The following PDE8B variants were observed in gnomAD, a reference collection of about 807,000 sequenced individuals.
The protein encoded by PDE8B is high affinity cAMP-specific and IBMX-insensitive 3',5'-cyclic phosphodiesterase 8B.
Under a neutral mutation model 101.3 loss-of-function variants are expected in PDE8B, and 26 were observed. The ratio of observed to expected loss-of-function variants is 0.26; its 90% CI spans 0.19 to 0.36. The LOEUF (loss-of-function observed/expected upper bound fraction) is 0.36. Ranked by LOEUF, PDE8B falls within the 10% of genes least tolerant of loss-of-function variation. The probability of loss-of-function intolerance (pLI) is 1.00; values close to 1 mark genes in which losing one functional copy is unlikely to be tolerated. For missense variants in PDE8B, 810 were observed against 1,163.1 expected (o/e 0.70, Z 4.42); for synonymous variants, 424 against 429.3 (o/e 0.99, Z 0.15).
upstream of PDE8B, among the ~76,000 whole-genome samples, chr5:77,207,933 C>G (rs1328795495): frequency 6.6e-6 from 1 of 152,162 alleles, no homozygotes; most frequent in Non-Finnish European, 1.5e-5. Context: ...AACTGTATAC[C>G]TAGTGCATTT....
chr5:77,123,068 T>G, the PDE8B span, among the ~76,000 whole-genome samples: 1 of 152,136 alleles, frequency 6.6e-6, no homozygotes, highest in African/African-American at 2.4e-5. Flanking sequence ...TCTAAGTCCA[T>G]TTTCTGTTGT....
intron 1 of PDE8B, among the ~76,000 whole-genome samples, chr5:77,287,423 T>C (rs530855660): frequency 1.3e-5 from 2 of 152,218 alleles, no homozygotes; most frequent in African/African-American, 4.8e-5. Flanking sequence ...TTAATGCACT[T>C]AGGTATTTTT....
intron 2 of PDE8B, among the ~76,000 whole-genome samples, chr5:77,324,614 G>A (rs532352443): frequency 3.7e-4 from 56 of 152,206 alleles, no homozygotes; most frequent in African/African-American, 1.1e-3. Context: ...CTTTTCCCTC[G>A]ACTTAGCTCC....
intron 10 of PDE8B, among the ~76,000 whole-genome samples, chr5:77,356,420 T>G (rs1782119126): frequency 1.3e-5 from 2 of 152,158 alleles, no homozygotes; most frequent in Admixed American, 1.3e-4. Flanking sequence ...ATATCTGCTC[T>G]TGTGTCTTGT....
the PDE8B span, among the ~76,000 whole-genome samples, chr5:77,121,965 C>G: frequency 3.3e-5 from 5 of 152,172 alleles, no homozygotes; most frequent in Non-Finnish European, 7.3e-5. Context: ...GTGGCTAGCT[C>G]CAAATCCTAC....
intron 17 of PDE8B, among the ~76,000 whole-genome samples, chr5:77,417,213 CAGAT>C (rs1338440280): frequency 5.9e-5 from 9 of 152,304 alleles, no homozygotes; most frequent in Admixed American, 1.3e-4. Flanking sequence ...GTTACTTTAT[CAGAT>C]AGCACAAATA....
intron 1 of PDE8B, among the ~76,000 whole-genome samples, chr5:77,268,450 CATTTT>C (rs1762160694): frequency 6.6e-6 from 1 of 151,962 alleles, no homozygotes; most frequent in South Asian, 2.1e-4. Context: ...GGAGCTTATT[CATTTT>C]ATTTTACTAT....
the PDE8B span, among the ~76,000 whole-genome samples, chr5:77,178,105 C>T: frequency 1.2e-4 from 19 of 152,330 alleles, no homozygotes; most frequent in Non-Finnish European, 2.5e-4. Context: ...CCTCCTAGTA[C>T]TTCTTAACTG....
chr5:77,182,368 G>A, the PDE8B span, among the ~76,000 whole-genome samples: 1 of 152,022 alleles, frequency 6.6e-6, no homozygotes, highest in East Asian at 1.9e-4. Context: ...GTGGAAGTAA[G>A]CCTGACTGGT....
chr5:77,331,548 A>G, intron 5 of PDE8B, 89 bp downstream of exon 5: 1 of 1,024,244 alleles, frequency 9.8e-7, no homozygotes, highest in Non-Finnish European at 1.5e-6. Context: ...TGCCACGGAG[A>G]ACTGTTAAGG....
the PDE8B span, among the ~76,000 whole-genome samples, chr5:77,200,569 A>G: frequency 6.6e-6 from 1 of 151,950 alleles, no homozygotes; most frequent in Non-Finnish European, 1.5e-5. Flanking sequence ...TTTTTAAAAA[A>G]TTTTGTTTTG....
intron 6 of PDE8B, among the ~76,000 whole-genome samples, chr5:77,344,045 T>C (rs1312394602): frequency 6.6e-6 from 1 of 152,196 alleles, no homozygotes; most frequent in African/African-American, 2.4e-5. Context: ...TCACCTTCTA[T>C]GATAACAATG....
chr5:77,216,254 G>A (rs1364396752), intron 1 of PDE8B, among the ~76,000 whole-genome samples: 2 of 152,200 alleles, frequency 1.3e-5, no homozygotes, highest in Non-Finnish European at 2.9e-5. Flanking sequence ...CAAGGGGAGG[G>A]GATGTGTATT....
At chr5:77,278,066 C>T (rs1764193320) in intron 1 of PDE8B, among the ~76,000 whole-genome samples, 1 of 152,170 alleles carries the variant, frequency 6.6e-6, no homozygotes, top group Non-Finnish European at 1.5e-5. Context: ...CTCTGCCTAC[C>T]ACTCTCAGCT....
chr5:77,374,966 C>T (rs1561606146), intron 10 of PDE8B, among the ~76,000 whole-genome samples: 1 of 152,190 alleles, frequency 6.6e-6, no homozygotes, highest in African/African-American at 2.4e-5. Context: ...GATACACACA[C>T]ACACACACAC....
At chr5:77,387,442 T>C (rs1788951800) in intron 10 of PDE8B, among the ~76,000 whole-genome samples, 1 of 152,242 alleles carries the variant, frequency 6.6e-6, no homozygotes, top group Admixed American at 6.5e-5. Flanking sequence ...CTGCCGTTAC[T>C]CTAATGGGCT....
At chr5:77,146,201 A>T in the PDE8B span, 1 of 152,232 alleles carries the variant, frequency 6.6e-6, no homozygotes, top group Non-Finnish European at 1.5e-5. Context: ...GACTTCAAGC[A>T]GATGCTGTAA....
chr5:77,306,841 C>G (rs4432867), intron 1 of PDE8B, among the ~76,000 whole-genome samples: 1 of 152,172 alleles, frequency 6.6e-6, no homozygotes, highest in African/African-American at 2.4e-5. Context: ...TCGTGGAGTT[C>G]CCTTTCTATT....
intron 10 of PDE8B, among the ~76,000 whole-genome samples, chr5:77,357,466 C>T (rs559442814): frequency 6.6e-6 from 1 of 152,300 alleles, no homozygotes; most frequent in Non-Finnish European, 1.5e-5. Flanking sequence ...TACCAGTTGA[C>T]AGCTAGTAAG....
Sources: gnomAD v4.1 joint callset for allele counts (sites outside exome capture counted in the v4.1 genomes callset) on GRCh38, gnomAD v4.1.1 for gene constraint, MANE v1.5 for transcripts, NCBI Gene and HGNC (gene_info 2026-07-23, HGNC 2026-07-21) for gene names.